The following UPF2 variants were observed in gnomAD, a reference collection of about 807,000 sequenced individuals.
UPF2 encodes the protein UPF2 regulator of nonsense mediated mRNA decay.
UPF2 carries 17 observed loss-of-function variants against 141.4 expected under a neutral mutation model. That is an observed-to-expected ratio of 0.12 (90% CI 0.08 to 0.18). UPF2 has a LOEUF of 0.18. UPF2 is among the 10% of genes least tolerant of loss of function. UPF2 has a pLI of 1.00. For synonymous variants in UPF2, 540 were observed against 498.0 expected (o/e 1.08, Z -1.12); for missense variants, 1,152 against 1,515.9 (o/e 0.76, Z 3.99).
chr10:12,006,960 G>A lies in UPF2; in HGVS notation c.1307-2233C>T, dbSNP rs111386592. Among the ~76,000 whole-genome samples the A allele has an allele frequency of 1.7e-3, 256 of 152,274 alleles. 1 individual carries two copies. The highest frequency in any genetic ancestry group is 5.7e-3 in the African/African-American group (236 of 41,544). On this transcript the variant is annotated intron_variant, in intron 4 of 21. Transcript: ENST00000357604. ...TTCAGCCCCACTCACCCACCCATCT[G>A]TGAAGCAGAGTCCTCGCCAGACACC...
At chr10:11,922,688 C>T (rs1464956176) in intron 21 of UPF2, among the ~76,000 whole-genome samples, 2 of 151,984 alleles carry the variant, frequency 1.3e-5, no homozygotes, top group African/African-American at 4.8e-5. Flanking sequence ...TTTATTAATA[C>T]AATATACACT....
intron 19 of UPF2, among the ~76,000 whole-genome samples, chr10:11,934,714 T>C (rs1401576824): frequency 6.6e-6 from 1 of 152,116 alleles, no homozygotes; most frequent in South Asian, 2.1e-4. Flanking sequence ...CTCAGCCTCC[T>C]GAGTAGCTGG....
At chr10:12,005,714 GC>G (rs1834024320) in intron 4 of UPF2, among the ~76,000 whole-genome samples, 1 of 151,552 alleles carries the variant, frequency 6.6e-6, no homozygotes, top group Non-Finnish European at 1.5e-5. Flanking sequence ...GATTACAGGC[GC>G]CCGCCACCAC....
chr10:11,952,051 C>A lies in UPF2; in HGVS notation c.3034+15G>T, dbSNP rs1404093101. On this transcript the variant is annotated intron_variant, in intron 15 of 21. Coordinates refer to ENST00000357604, the MANE Select transcript of UPF2 (RefSeq NM_015542.4). ...AAATATCACCTTCATTTTCTGTCTG[C>A]AATCAATTGCTTACCTAGTTTTATT... 1 of 1,611,060 alleles carries A rather than the reference C, an allele frequency of 6.2e-7. No homozygotes were observed. The highest frequency in any genetic ancestry group is 8.5e-7 in the Non-Finnish European group (1 of 1,178,110).
intron 4 of UPF2, among the ~76,000 whole-genome samples, chr10:12,010,170 G>C (rs1834103028): frequency 6.6e-6 from 1 of 152,170 alleles, no homozygotes; most frequent in Admixed American, 6.6e-5. Context: ...CTGCAACCCA[G>C]GATGACGCTT....
chr10:11,972,991 G>T (rs1422514302), intron 9 of UPF2, among the ~76,000 whole-genome samples: 1 of 152,182 alleles, frequency 6.6e-6, no homozygotes, highest in Non-Finnish European at 1.5e-5. Context: ...CTACTTTACA[G>T]TCCCACCAAC....
At chr10:11,963,323 T>G (rs573275560) in intron 11 of UPF2, among the ~76,000 whole-genome samples, 1 of 147,064 alleles carries the variant, frequency 6.8e-6, no homozygotes, top group East Asian at 1.9e-4. Flanking sequence ...TCTAGCTGTG[T>G]GAGTATTCAT....
At chr10:12,038,139 T>C (rs1378709392) in intron 1 of UPF2, among the ~76,000 whole-genome samples, 1 of 152,120 alleles carries the variant, frequency 6.6e-6, no homozygotes, top group Non-Finnish European at 1.5e-5. Context: ...TCCCAGCAAT[T>C]TGGGAGGCCA....
intron 4 of UPF2, among the ~76,000 whole-genome samples, chr10:12,011,199 C>G (rs1399265596): frequency 1.3e-5 from 2 of 152,320 alleles, no homozygotes; most frequent in African/African-American, 4.8e-5. Context: ...CGCTATGTTA[C>G]CCAGGCTAGT....
At chr10:12,035,765 AAT>A (rs139657569) in intron 1 of UPF2, 4,657 of 184,334 alleles carry the variant, frequency 0.025, 233 homozygotes, top group African/African-American at 0.1. Flanking sequence ...ACTCCAAAAC[AAT>A]ATGTCATTTA....
intron 8 of UPF2, among the ~76,000 whole-genome samples, chr10:11,988,531 C>G (rs1201582909): frequency 6.6e-6 from 1 of 152,294 alleles, no homozygotes; most frequent in East Asian, 1.9e-4. Flanking sequence ...TCTCAGACTC[C>G]TGGCTTTAGG....
In UPF2 at chr10:11,935,926, G is replaced by C. The variant is rs902803109; in HGVS notation, c.3546+619C>G. Among the ~76,000 whole-genome samples the C allele has an allele frequency of 6.6e-6, 1 of 152,178 alleles. No individual in the cohort carries two copies. Among genetic ancestry groups the C allele is most frequent in the African/African-American group, 2.4e-5 (1 of 41,424 alleles). On this transcript the variant is annotated intron_variant, in intron 19 of 21. Transcript: ENST00000357604. This position sits in a 1 kb window ranked among gnomAD's most constrained non-coding sequence, Gnocchi z 4.9. ...AGAATGGAGAGGGATATGGAGAAGG[G>C]TTGGTGTGATTTTCAACTGACGGCA...
At chr10:12,033,188 G>A (rs1417050862) in intron 2 of UPF2, among the ~76,000 whole-genome samples, 2 of 152,128 alleles carry the variant, frequency 1.3e-5, no homozygotes, top group African/African-American at 2.4e-5. Context: ...AGGATCGCTT[G>A]AGCTCAGCAA....
intron 13 of UPF2, among the ~76,000 whole-genome samples, chr10:11,955,895 C>T (rs998884172): frequency 4.6e-5 from 7 of 152,128 alleles, no homozygotes; most frequent in Admixed American, 6.6e-5. Flanking sequence ...GTAATCCCAG[C>T]ATTTTGGGAG....
At position 11,967,435 on chromosome 10, in the gene UPF2, A is replaced by G; in HGVS notation, c.1973T>C (p.Ile658Thr). 1 of 1,573,414 alleles carries G rather than the reference A, an allele frequency of 6.4e-7. No individual in the cohort carries two copies. Among genetic ancestry groups the G allele is most frequent in the Non-Finnish European group, 8.6e-7 (1 of 1,166,310 alleles). Residue 658 changes from isoleucine (I) to threonine (T), a missense_variant, in exon 10 of 22, where the codon ATC becomes ACC. This residue lies in a region of UPF2 where 739 missense variants were observed against 1,032.2 expected (regional missense o/e 0.72). Coordinates refer to ENST00000357604, the MANE Select transcript of UPF2 (RefSeq NM_015542.4). ...AGTTTTATTCTTTGTTTCAATATTG[A>G]TCTGGTCCTTTTTCCGTACCTAAAA... is the stretch of plus-strand genomic sequence containing the variant. ...FRFHVRKKDQ[I>T]NIETKNKTVR...
chr10:12,008,384 A>C (rs1383222673), intron 4 of UPF2, among the ~76,000 whole-genome samples: 1 of 152,050 alleles, frequency 6.6e-6, no homozygotes, highest in Non-Finnish European at 1.5e-5. Flanking sequence ...TAATCCTAGC[A>C]CCTGGGGAGG....
At position 11,975,586 on chromosome 10, in the gene UPF2, G is replaced by A. The variant is rs775892565; in HGVS notation, c.1953+3471C>T. Among the ~76,000 whole-genome samples, 253 of 152,154 alleles carry A rather than the reference G, an allele frequency of 1.7e-3. No individual in the cohort carries two copies. In the Middle Eastern group the frequency reaches 0.017, roughly 10 times the overall value. On this transcript the variant is annotated intron_variant, in intron 9 of 21. Transcript: ENST00000357604. ...TGCAGTGGCGCAATCTCAGCTCACT[G>A]CAACCTCCACCTCCCGGGTTCAAGT... is the stretch of plus-strand genomic sequence containing the variant.
chr10:11,941,007 C>T (rs1484579898), intron 18 of UPF2, among the ~76,000 whole-genome samples: 2 of 152,124 alleles, frequency 1.3e-5, no homozygotes, highest in African/African-American at 2.4e-5. Flanking sequence ...CCCCACTATC[C>T]TATCTAGGAA....
chr10:11,932,251 T>TGGC (rs1374921575), intron 19 of UPF2, among the ~76,000 whole-genome samples: 1 of 152,092 alleles, frequency 6.6e-6, no homozygotes, highest in Non-Finnish European at 1.5e-5. Flanking sequence ...TAAAACAGGG[T>TGGC]GGCCATTTTT....
Sources: gnomAD v4.1 joint callset for allele counts (sites outside exome capture counted in the v4.1 genomes callset) on GRCh38, gnomAD v4.1.1 for gene constraint, gnomAD v4.1.1 regional missense constraint, Gnocchi (gnomAD v3.1) non-coding constraint, MANE v1.5 for transcripts, NCBI Gene and HGNC (gene_info 2026-07-23, HGNC 2026-07-21) for gene names.